The following CHRM2 variants were observed in gnomAD, a reference collection of about 807,000 sequenced individuals.
CHRM2 encodes the protein muscarinic acetylcholine receptor M2.
A neutral mutation model predicts 25.0 loss-of-function variants in CHRM2; 8 were observed. The ratio of observed to expected loss-of-function variants is 0.32; its 90% CI spans 0.19 to 0.58. The LOEUF (loss-of-function observed/expected upper bound fraction) is 0.58. CHRM2 is among the 20% of genes least tolerant of loss of function. The pLI, the probability that CHRM2 is intolerant of heterozygous loss-of-function variation, is 0.88. For synonymous variants in CHRM2, 202 were observed against 205.7 expected (o/e 0.98, Z 0.15); for missense variants, 440 against 567.1 (o/e 0.78, Z 2.28).
chr7:136,935,372 T>C (rs539132480), intron 2 of CHRM2, among the ~76,000 whole-genome samples: 2 of 152,170 alleles, frequency 1.3e-5, no homozygotes, highest in East Asian at 3.9e-4. Context: ...TTTGGGTGAG[T>C]ACACAGTACC....
intron 2 of CHRM2, among the ~76,000 whole-genome samples, chr7:136,905,860 T>C (rs1797508445): frequency 6.6e-6 from 1 of 151,574 alleles, no homozygotes; most frequent in Non-Finnish European, 1.5e-5. Flanking sequence ...TACATATTTT[T>C]AAATTTAATT....
Position 136,894,828 on chromosome 7 carries a change from C to CA in CHRM2, c.-125+25416dup, listed in dbSNP as rs574775518. On this transcript the variant is annotated intron_variant, in intron 2 of 3. Transcript: ENST00000680005. Reference sequence around the variant, plus strand: ...CCATCCATCCATCCCCAGGAATTCACAAAAAATAGTATTTCTTCAGCAGGT... The same window carrying CA: ...CCATCCATCCATCCCCAGGAATTCACAAAAAAATAGTATTTCTTCAGCAGGT... Among the ~76,000 whole-genome samples, 269 of 152,268 alleles carry CA rather than the reference C, an allele frequency of 1.8e-3. 1 individual carries two copies. Among genetic ancestry groups the CA allele is most frequent in the African/African-American group, 6.0e-3 (249 of 41,552 alleles).
intron 2 of CHRM2, among the ~76,000 whole-genome samples, chr7:136,966,698 A>G (rs1196489892): frequency 7.5e-5 from 11 of 147,132 alleles, no homozygotes; most frequent in African/African-American, 2.2e-4. Flanking sequence ...CAGTGAGTCT[A>G]TAAGTATAAC....
At chr7:136,974,776 T>C (rs750018172) in intron 2 of CHRM2, among the ~76,000 whole-genome samples, 30 of 152,294 alleles carry the variant, frequency 2.0e-4, no homozygotes, top group Non-Finnish European at 3.2e-4. Flanking sequence ...AGAAGAATTA[T>C]ATATTTAAAT....
intron 2 of CHRM2, among the ~76,000 whole-genome samples, chr7:136,878,101 G>C (rs760624692): frequency 6.6e-6 from 1 of 151,946 alleles, no homozygotes; most frequent in Non-Finnish European, 1.5e-5. Context: ...GTTACAAAGG[G>C]AAGAGCTTCT....
Position 136,987,755 on chromosome 7 carries a change from T to C in CHRM2, c.-124-4432T>C, listed in dbSNP as rs532209863. Among the ~76,000 whole-genome samples the C allele has an allele frequency of 3.3e-5, 5 of 152,280 alleles. No individual in the cohort carries two copies. The South Asian group carries it at 1.0e-3, about 32-fold the overall frequency. On this transcript the variant is annotated intron_variant, in intron 2 of 3. Coordinates refer to ENST00000680005, the MANE Select transcript of CHRM2 (RefSeq NM_001006630.2). The stretch of plus-strand genomic sequence containing the variant: ...AGCCTTTTAAATGTGCATCCCTCCT[T>C]ATTCAATCATATTACCCTCTCTGGG...
intron 2 of CHRM2, among the ~76,000 whole-genome samples, chr7:136,971,255 T>G (rs1374737735): frequency 6.6e-6 from 1 of 152,202 alleles, no homozygotes; most frequent in Non-Finnish European, 1.5e-5. Flanking sequence ...GCAGTCAGCC[T>G]GGACTAGAAC....
At chr7:136,887,066 T>G (rs541220199) in intron 2 of CHRM2, among the ~76,000 whole-genome samples, 7 of 152,258 alleles carry the variant, frequency 4.6e-5, no homozygotes, top group African/African-American at 1.2e-4. Flanking sequence ...ATGAGGACTA[T>G]GGTTATTAAC....
intron 2 of CHRM2, among the ~76,000 whole-genome samples, chr7:136,984,886 A>G (rs1412974540): frequency 6.6e-6 from 1 of 152,036 alleles, no homozygotes; most frequent in Non-Finnish European, 1.5e-5. Context: ...AGCTGTTCCT[A>G]TTCAGCTATC....
At chr7:136,899,215 C>G (rs981267856) in intron 2 of CHRM2, 1 of 152,072 alleles carries the variant, frequency 6.6e-6, no homozygotes, top group East Asian at 1.9e-4. Context: ...TGGAAGTGTT[C>G]TTGTAGATAT....
chr7:137,006,919 T>A (rs324643), intron 3 of CHRM2, among the ~76,000 whole-genome samples: 78,749 of 151,488 alleles, frequency 0.52, 21,753 homozygotes, highest in African/African-American at 0.66. Context: ...TGGCTGTCTT[T>A]TTCTGTGTGC....
At chr7:137,001,449 G>T (rs1331728996) in intron 3 of CHRM2, among the ~76,000 whole-genome samples, 1 of 152,272 alleles carries the variant, frequency 6.6e-6, no homozygotes, top group East Asian at 1.9e-4. Flanking sequence ...CAGACACAGA[G>T]CTGAGGATGC....
intron 2 of CHRM2, among the ~76,000 whole-genome samples, chr7:136,976,153 A>G (rs1802092202): frequency 6.6e-6 from 1 of 152,150 alleles, no homozygotes; most frequent in African/African-American, 2.4e-5. Context: ...GCTACGGGCT[A>G]AGCATGGAGT....
At chr7:136,999,520 T>C (rs559831254) in intron 3 of CHRM2, among the ~76,000 whole-genome samples, 9 of 152,028 alleles carry the variant, frequency 5.9e-5, no homozygotes, top group African/African-American at 2.2e-4. Context: ...TAACATTAGG[T>C]ATATCTCCTA....
chr7:136,912,693 G>A (rs1043684591), intron 2 of CHRM2, among the ~76,000 whole-genome samples: 1 of 151,784 alleles, frequency 6.6e-6, no homozygotes, highest in East Asian at 1.9e-4. Context: ...TATTATTTTT[G>A]ATGAACAATA....
intron 2 of CHRM2, among the ~76,000 whole-genome samples, chr7:136,935,519 T>G (rs897779039): frequency 2.6e-5 from 4 of 152,178 alleles, no homozygotes; most frequent in Non-Finnish European, 5.9e-5. Flanking sequence ...CAGCAGGAAC[T>G]GATATTTACA....
chr7:137,011,215 G>GTGTGTGTGTGTATATA, intron 3 of CHRM2, among the ~76,000 whole-genome samples: 46 of 134,280 alleles, frequency 3.4e-4, no homozygotes, highest in South Asian at 4.4e-4. Flanking sequence ...GTGTGTGTGT[G>GTGTGTGTGTGTATATA]TATATATATA....
intron 2 of CHRM2, among the ~76,000 whole-genome samples, chr7:136,921,485 A>T (rs1037681164): frequency 6.6e-6 from 1 of 152,116 alleles, no homozygotes; most frequent in Non-Finnish European, 1.5e-5. Context: ...CAGCTCTCTT[A>T]TTCCAATTGC....
chr7:136,994,251 G>A (rs773274391), intron 3 of CHRM2, among the ~76,000 whole-genome samples: 2 of 152,094 alleles, frequency 1.3e-5, no homozygotes, highest in Non-Finnish European at 2.9e-5. Context: ...AAACATCAAT[G>A]GTGTTTCAGA....
Sources: gnomAD v4.1 joint callset for allele counts (sites outside exome capture counted in the v4.1 genomes callset) on GRCh38, gnomAD v4.1.1 for gene constraint, MANE v1.5 for transcripts, NCBI Gene and HGNC (gene_info 2026-07-23, HGNC 2026-07-21) for gene names.